Variants in TTC7A observed in about 807,000 individuals in gnomAD.
The protein encoded by TTC7A is tetratricopeptide repeat domain 7A.
A neutral mutation model predicts 103.7 loss-of-function variants in TTC7A; 110 were observed. The observed-to-expected ratio is 1.06, with a 90% CI of 0.91 to 1.24. The LOEUF is 1.24. Ranked by LOEUF, TTC7A falls within the 50% of genes most tolerant of loss-of-function variation. The pLI, the probability that TTC7A is intolerant of heterozygous loss-of-function variation, is 0.00. For synonymous variants in TTC7A, 521 were observed against 467.9 expected (o/e 1.11, Z -1.47); for missense variants, 1,340 against 1,116.3 (o/e 1.20, Z -2.86).
intron 18 of TTC7A, among the ~76,000 whole-genome samples, chr2:47,055,109 T>A (rs1383836307): frequency 6.6e-6 from 1 of 150,870 alleles, no homozygotes; most frequent in Non-Finnish European, 1.5e-5. Context: ...CTAAACCGCC[T>A]CCCCCACCTG....
chr2:46,915,877 C>T (rs990451113), upstream of TTC7A: 5 of 983,760 alleles, frequency 5.1e-6, no homozygotes, highest in African/African-American at 8.8e-5. Context: ...TTGGCGCCGC[C>T]GGGCCCCTCC....
At chr2:46,958,097 C>T (rs551233898) in intron 3 of TTC7A, among the ~76,000 whole-genome samples, 1 of 152,272 alleles carries the variant, frequency 6.6e-6, no homozygotes, top group South Asian at 2.1e-4. Flanking sequence ...ACTCAGTTTC[C>T]CCTGTCTCCC....
At chr2:46,955,866 T>C (rs576838132) in intron 2 of TTC7A, among the ~76,000 whole-genome samples, 10 of 152,122 alleles carry the variant, frequency 6.6e-5, no homozygotes, top group Non-Finnish European at 1.0e-4. Flanking sequence ...TATGGACAGA[T>C]TGGTGCCTGT....
At chr2:47,043,726 T>G (rs1192578820) in intron 15 of TTC7A, among the ~76,000 whole-genome samples, 2 of 152,156 alleles carry the variant, frequency 1.3e-5, no homozygotes, top group African/African-American at 4.8e-5. Flanking sequence ...CCAGAGTGAC[T>G]GGTGGAGCAC....
At chr2:47,023,316 C>T in intron 12 of TTC7A, 92 bp from the exon 13 acceptor site, 1 of 1,387,870 alleles carries the variant, frequency 7.2e-7, no homozygotes, top group African/African-American at 1.4e-5. Flanking sequence ...GGGCCTTTAT[C>T]TGCAGAGCTG....
rs181487034 is a variant in TTC7A at position 47,001,553 on chromosome 2, C to T, written c.1066-4369C>T. On this transcript the variant is annotated intron_variant, in intron 8 of 19. Transcript: ENST00000319190. Reference sequence around the variant, plus strand: ...AGATGAGACGGTGGATGTGACAATTCAGCTTCTAAAGGAGTAATGCAGGCC... The same window carrying T: ...AGATGAGACGGTGGATGTGACAATTTAGCTTCTAAAGGAGTAATGCAGGCC... Among the ~76,000 whole-genome samples, 3 of 152,254 alleles carry T rather than the reference C, an allele frequency of 2.0e-5. No individual in the cohort carries two copies. The East Asian group carries it at 5.8e-4, about 29-fold the overall frequency.
At chr2:47,000,932 C>G (rs998306394) in intron 8 of TTC7A, among the ~76,000 whole-genome samples, 1 of 152,100 alleles carries the variant, frequency 6.6e-6, no homozygotes, top group Non-Finnish European at 1.5e-5. Context: ...AGCCCAGGGT[C>G]TCTTATGGCA....
At chr2:47,040,240 A>T (rs892647723) in intron 15 of TTC7A, 1 of 152,326 alleles carries the variant, frequency 6.6e-6, no homozygotes, top group African/African-American at 2.4e-5. Context: ...ATGGGGCTGC[A>T]GAGAGTACCA....
chr2:46,998,451 G>C (rs1676451255), intron 8 of TTC7A, among the ~76,000 whole-genome samples: 1 of 152,076 alleles, frequency 6.6e-6, no homozygotes, highest in African/African-American at 2.4e-5. Context: ...CACTCTACCA[G>C]CCTCCCAAGC....
rs1673737073 is a variant in TTC7A at position 46,975,046 on chromosome 2, C to T, written c.591C>T (p.Ile197=). 2 of 1,614,026 alleles carry T rather than the reference C, an allele frequency of 1.2e-6. No homozygotes were observed. Among genetic ancestry groups the T allele is most frequent in the Non-Finnish European group, 8.5e-7 (1 of 1,179,952 alleles). The change falls in exon 4 of 20, where the codon ATC becomes ATT. Residue 197 remains isoleucine (I), a synonymous_variant. Coordinates refer to ENST00000319190, the MANE Select transcript of TTC7A (RefSeq NM_020458.4). ...FRLTEREEEV[I]TCFERASWIA... is the part of the protein sequence containing the mutation. ...TGACAGAGAGGGAGGAGGAAGTGAT[C>T]ACCTGTTTTGAGAGGGCCTCCTGGA... is the stretch of plus-strand genomic sequence containing the variant.
intron 2 of TTC7A, among the ~76,000 whole-genome samples, chr2:46,935,001 A>C (rs1157177005): frequency 6.6e-6 from 1 of 151,564 alleles, no homozygotes; most frequent in African/African-American, 2.4e-5. Context: ...GGGTTTCATC[A>C]TGTTGGCCAG....
At chr2:47,000,995 C>G (rs748752979) in intron 8 of TTC7A, among the ~76,000 whole-genome samples, 4 of 152,100 alleles carry the variant, frequency 2.6e-5, no homozygotes, top group Non-Finnish European at 4.4e-5. Flanking sequence ...ACAGAAGGAG[C>G]CAGGAGTGAA....
At position 46,961,719 on chromosome 2, in the gene TTC7A, A is replaced by G. The variant is rs539016788; in HGVS notation, c.517+4712A>G. Among the ~76,000 whole-genome samples, 961 of 152,124 alleles carry G rather than the reference A, an allele frequency of 6.3e-3. 8 individuals carry two copies. The highest frequency in any genetic ancestry group is 0.011 in the Non-Finnish European group (765 of 67,976). On this transcript the variant is annotated intron_variant, in intron 3 of 19. Coordinates refer to ENST00000319190, the MANE Select transcript of TTC7A (RefSeq NM_020458.4). ...TAGGAGTTTGAGACCAGCCTGGCCA[A>G]CATGGTGAAACCCTGTCTCTACTAA... is the stretch of plus-strand genomic sequence containing the variant.
At chr2:47,073,597 C>G (rs931672510) in intron 19 of TTC7A, 105 bp from the exon 20 acceptor site, 4 of 952,570 alleles carry the variant, frequency 4.2e-6, no homozygotes, top group Non-Finnish European at 6.6e-6. Context: ...GGAATCCTCT[C>G]GAGCTGATGG....
rs141149434 is a variant in TTC7A, at chr2:47,066,821, G to A, written c.2355+5850G>A. 0.015 allele frequency among the ~76,000 whole-genome samples: 2,295 copies of A among 152,314 alleles called. 252 individuals are homozygous for A. In the East Asian group the frequency reaches 0.3, roughly 20 times the overall value. ...TCCTTCCGCCTCAGCCTCCAAAAGT[G>A]CTGGGATTACAGGCATGAGCCACCA... On this transcript the variant is annotated intron_variant, in intron 19 of 19. Transcript: ENST00000319190.
intron 2 of TTC7A, among the ~76,000 whole-genome samples, chr2:46,951,139 G>A (rs183741776): frequency 3.0e-4 from 46 of 152,258 alleles, no homozygotes; most frequent in East Asian, 2.7e-3. Flanking sequence ...TTAAGTCCAC[G>A]TGTATTTATC....
At chr2:46,983,441 C>A (rs1016929701) in intron 5 of TTC7A, among the ~76,000 whole-genome samples, 7 of 152,232 alleles carry the variant, frequency 4.6e-5, no homozygotes, top group African/African-American at 1.4e-4. Flanking sequence ...TCACCACTCC[C>A]CCACGGCTGC....
chr2:46,927,956 C>T (rs1007441739), intron 2 of TTC7A, among the ~76,000 whole-genome samples: 7 of 135,208 alleles, frequency 5.2e-5, no homozygotes, highest in Non-Finnish European at 9.1e-5. Flanking sequence ...TATAGTGGCA[C>T]GGTCATGGCT....
intron 16 of TTC7A, 108 bp from the exon 17 acceptor site, chr2:47,049,841 C>G (rs1682691686): frequency 1.3e-6 from 1 of 794,602 alleles, no homozygotes; most frequent in Non-Finnish European, 2.1e-6. Context: ...TGGAGTGAGG[C>G]TGTCCCATTC....
Sources: gnomAD v4.1 joint callset for allele counts (sites outside exome capture counted in the v4.1 genomes callset) on GRCh38, gnomAD v4.1.1 for gene constraint, MANE v1.5 for transcripts, NCBI Gene and HGNC (gene_info 2026-07-23, HGNC 2026-07-21) for gene names.